The following PHACTR1 variants were observed in gnomAD, a reference collection of about 807,000 sequenced individuals.
PHACTR1 encodes RPEL repeat containing 1.
A neutral mutation model predicts 69.2 loss-of-function variants in PHACTR1; 16 were observed. The observed-to-expected ratio is 0.23, with a 90% CI of 0.16 to 0.35. The LOEUF (loss-of-function observed/expected upper bound fraction) is 0.35, where lower values mean the gene tolerates loss of function less well. Ranked by LOEUF, PHACTR1 falls within the 10% of genes least tolerant of loss-of-function variation. The pLI, the probability that PHACTR1 is intolerant of heterozygous loss-of-function variation, is 1.00. For synonymous variants in PHACTR1, 312 were observed against 284.5 expected, an observed-to-expected ratio of 1.10 and a Z score of -0.97; for missense variants, 510 against 734.7, an observed-to-expected ratio of 0.69 and a Z score of 3.54.
At chr6:12,767,035 C>G (rs1482180287) in intron 4 of PHACTR1, among the ~76,000 whole-genome samples, 1 of 151,976 alleles carries the variant, frequency 6.6e-6, no homozygotes, top group Non-Finnish European at 1.5e-5. Context: ...ATATTTTGTC[C>G]CCTCACATTG....
chr6:13,172,498 C>T (rs1229839631), intron 6 of PHACTR1, among the ~76,000 whole-genome samples: 1 of 152,148 alleles, frequency 6.6e-6, no homozygotes, highest in Non-Finnish European at 1.5e-5. Context: ...AGCCCAGACT[C>T]CACATGAGCC....
intron 7 of PHACTR1, among the ~76,000 whole-genome samples, chr6:13,197,369 G>A (rs574357051): frequency 6.6e-6 from 1 of 152,274 alleles, no homozygotes; most frequent in East Asian, 1.9e-4. Flanking sequence ...CACCTTGCAT[G>A]GAGCTGTGTA....
chr6:13,079,067 T>G (rs1327548656), intron 5 of PHACTR1, among the ~76,000 whole-genome samples: 1 of 152,224 alleles, frequency 6.6e-6, no homozygotes, highest in Non-Finnish European at 1.5e-5. Flanking sequence ...AAGAGCAAAT[T>G]TTTTTAAGAT....
At chr6:13,031,650 C>G (rs1028638120) in intron 4 of PHACTR1, among the ~76,000 whole-genome samples, 4 of 152,188 alleles carry the variant, frequency 2.6e-5, no homozygotes, top group Non-Finnish European at 5.9e-5. Context: ...ACCTGTCTAG[C>G]AGGACACCTT....
At chr6:12,814,512 T>C (rs1412310309) in intron 4 of PHACTR1, among the ~76,000 whole-genome samples, 1 of 152,244 alleles carries the variant, frequency 6.6e-6, no homozygotes, top group African/African-American at 2.4e-5. Context: ...AGTCTGCTCT[T>C]CTTGCACCTG....
At chr6:12,870,405 C>T (rs1250415271) in intron 4 of PHACTR1, among the ~76,000 whole-genome samples, 1 of 152,084 alleles carries the variant, frequency 6.6e-6, no homozygotes, top group Non-Finnish European at 1.5e-5. Context: ...TGTATGATTA[C>T]ATGTTTCATC....
Position 13,230,049 on chromosome 6 carries a change from T to C in PHACTR1, c.1247T>C (p.Met416Thr). The C allele has an allele frequency of 1.9e-6, 3 of 1,609,808 alleles. No individual in the cohort carries two copies. The highest frequency in any genetic ancestry group is 2.2e-5 in the East Asian group (1 of 44,706). ...CTGTCTCCTACAGGCTCCCTGGCCA[T>C]GAAGGTCTGCAGGAAGGACTCCTTA... ...DSSLYTSSLA[M>T]KVCRKDSLAI... The change falls in exon 10 of 15, where the codon ATG becomes ACG. Residue 416 changes from methionine to threonine, a missense_variant. By Grantham distance (81) the Met-to-Thr change is moderately conservative. Coordinates refer to ENST00000332995, the MANE Select transcript of PHACTR1 (RefSeq NM_030948.6).
chr6:12,899,301 G>T (rs1784970520), intron 4 of PHACTR1, among the ~76,000 whole-genome samples: 1 of 152,124 alleles, frequency 6.6e-6, no homozygotes, highest in East Asian at 1.9e-4. Context: ...CCTAATGCAG[G>T]GTTGTTATGG....
At position 12,818,262 on chromosome 6, in the gene PHACTR1, G is replaced by C. The variant is rs1008582754; in HGVS notation, c.250+68472G>C. On this transcript the variant is annotated intron_variant, in intron 4 of 14. Transcript: ENST00000332995. The stretch of plus-strand genomic sequence containing the variant: ...TTGGCTGGGTGGTTCTTCCAGTCTA[G>C]GACAGTCCTTTTTGGGCTTGATGGT... Among the ~76,000 whole-genome samples the C allele has an allele frequency of 2.6e-5, 4 of 152,258 alleles. No individual in the cohort carries two copies. In the East Asian group the frequency reaches 7.7e-4, roughly 29 times the overall value.
intron 4 of PHACTR1, among the ~76,000 whole-genome samples, chr6:12,814,247 G>C (rs1213223860): frequency 6.6e-6 from 1 of 152,166 alleles, no homozygotes; most frequent in Non-Finnish European, 1.5e-5. Flanking sequence ...TGTGATGAAA[G>C]AGGAAGGAAT....
chr6:13,126,542 C>T (rs191251394), intron 5 of PHACTR1, among the ~76,000 whole-genome samples: 2 of 152,314 alleles, frequency 1.3e-5, no homozygotes, highest in Admixed American at 1.3e-4. Flanking sequence ...ACCAAAAAGG[C>T]GGCCCACAGT....
At chr6:12,883,758 G>A (rs570084447) in intron 4 of PHACTR1, among the ~76,000 whole-genome samples, 13 of 152,080 alleles carry the variant, frequency 8.5e-5, no homozygotes, top group Non-Finnish European at 1.6e-4. Flanking sequence ...CATCTTGATA[G>A]TGCTCACATC....
intron 4 of PHACTR1, among the ~76,000 whole-genome samples, chr6:13,037,985 C>T (rs570461536): frequency 9.9e-5 from 15 of 152,192 alleles, no homozygotes; most frequent in African/African-American, 3.4e-4. Flanking sequence ...ACTGGCATTG[C>T]CATTACTGAA....
chr6:13,185,907 A>G (rs1023319450), intron 7 of PHACTR1, among the ~76,000 whole-genome samples: 3 of 152,222 alleles, frequency 2.0e-5, no homozygotes, highest in Non-Finnish European at 4.4e-5. Context: ...CAAGAAAAAT[A>G]AGTGACTTCC....
intron 4 of PHACTR1, among the ~76,000 whole-genome samples, chr6:12,989,205 A>G (rs970728921): frequency 3.9e-5 from 6 of 152,168 alleles, no homozygotes; most frequent in African/African-American, 1.4e-4. Flanking sequence ...TCCAAACATC[A>G]CTGCTATTCA....
chr6:13,151,092 A>C (rs987845459), intron 5 of PHACTR1, among the ~76,000 whole-genome samples: 1 of 152,216 alleles, frequency 6.6e-6, no homozygotes, highest in Non-Finnish European at 1.5e-5. Context: ...TGGAGTTGTA[A>C]GATTTACAAA....
chr6:12,929,987 C>T (rs546144199), intron 4 of PHACTR1, among the ~76,000 whole-genome samples: 3 of 152,152 alleles, frequency 2.0e-5, no homozygotes, highest in African/African-American at 7.2e-5. Flanking sequence ...AATATTTTAT[C>T]CCCTAAATAC....
intron 5 of PHACTR1, among the ~76,000 whole-genome samples, chr6:13,147,514 T>C (rs1823590137): frequency 6.6e-6 from 1 of 152,200 alleles, no homozygotes; most frequent in Non-Finnish European, 1.5e-5. Flanking sequence ...CCCCAATACT[T>C]CAAGTTTCCG....
chr6:13,115,331 A>C (rs1336430287), intron 5 of PHACTR1, among the ~76,000 whole-genome samples: 1 of 152,192 alleles, frequency 6.6e-6, no homozygotes, highest in Admixed American at 6.5e-5. Flanking sequence ...CAGTACATTC[A>C]GGAAGAACTG....
Sources: allele counts gnomAD v4.1 joint callset (sites outside exome capture counted in the v4.1 genomes callset), GRCh38; gene constraint gnomAD v4.1.1; transcripts MANE v1.5; gene names NCBI Gene and HGNC (gene_info 2026-07-23, HGNC 2026-07-21).